ERN2: variants seen among roughly 807,000 people sequenced by gnomAD.
The protein encoded by ERN2 is serine/threonine-protein kinase/endoribonuclease IRE2.
A neutral mutation model predicts 107.9 loss-of-function variants in ERN2; 111 were observed. The observed-to-expected ratio is 1.03, with a 90% CI of 0.88 to 1.20. The LOEUF is 1.20. ERN2 is among the 50% of genes most tolerant of loss of function. The pLI, the probability that ERN2 is intolerant of heterozygous loss-of-function variation, is 0.00. For synonymous variants in ERN2, 524 were observed against 501.7 expected (o/e 1.04, Z -0.59); for missense variants, 1,225 against 1,197.9 (o/e 1.02, Z -0.33).
At chr16:23,706,459 G>A (rs766407293) in intron 6 of ERN2, 28 bp from the exon 7 acceptor site, 10 of 1,514,566 alleles carry the variant, frequency 6.6e-6, no homozygotes, top group South Asian at 4.8e-5. Flanking sequence ...AAGATTACCA[G>A]GAACGTCCAT....
chr16:23,699,709 C>T (rs1256428129), intron 13 of ERN2, among the ~76,000 whole-genome samples: 1 of 152,114 alleles, frequency 6.6e-6, no homozygotes, highest in Non-Finnish European at 1.5e-5. Flanking sequence ...AGGTGTAAGC[C>T]ACCATGCCCA....
Position 23,695,931 on chromosome 16 carries a change from C to T in ERN2, c.1573G>A (p.Val525Met), listed in dbSNP as rs148827246. Residue 525 changes from valine (V) to methionine (M), a missense_variant, in exon 14 of 22, where the codon GTG becomes ATG. Coordinates refer to ENST00000256797, the MANE Select transcript of ERN2 (RefSeq NM_033266.4). Reference protein sequence around the residue: ...VGKISFNPKDVLGRGAGGTFV... With the variant: ...VGKISFNPKDMLGRGAGGTFV... ...GTCCCGCCTGCCCCGCGGCCCAGCA[C>T]GTCCTTGGGATTGAAGGAAATCTTC... The T allele has an allele frequency of 9.2e-5, 148 of 1,613,978 alleles. No individual in the cohort carries two copies. Among genetic ancestry groups the T allele is most frequent in the South Asian group, 3.4e-4 (31 of 91,084 alleles).
intron 14 of ERN2, among the ~76,000 whole-genome samples, chr16:23,695,638 G>A (rs1468656462): frequency 2.0e-5 from 3 of 149,256 alleles, no homozygotes; most frequent in Non-Finnish European, 4.4e-5. Flanking sequence ...GCTGAGGCCC[G>A]GAATTGCTTG....
chr16:23,711,962 C>T lies in ERN2; in HGVS notation c.94-944G>A, dbSNP rs528009935. 114 of 396,040 alleles carry T rather than the reference C, an allele frequency of 2.9e-4. 1 individual carries two copies. Among genetic ancestry groups the T allele is most frequent in the South Asian group, 7.9e-4 (46 of 58,164 alleles). 24.5% of individuals were successfully genotyped at this position (396,040 alleles called of 1,614,324 possible). A position where few individuals can be genotyped will look rare whatever the true frequency, so the allele number is the denominator to read the frequency against. On this transcript the variant is annotated intron_variant, in intron 1 of 21. Coordinates refer to ENST00000256797, the MANE Select transcript of ERN2 (RefSeq NM_033266.4). ...CCTTGGGAGGGGGGCTGGAGCCACC[C>T]GTACTTACATCTGGCGATCCTGGGC...
chr16:23,700,770 C>T, intron 12 of ERN2, 66 bp from the exon 13 acceptor site: 1 of 1,539,742 alleles, frequency 6.5e-7, no homozygotes, highest in Non-Finnish European at 8.8e-7. Context: ...GGCCCAGTAT[C>T]TGTGACTGAG....
Position 23,711,015 on chromosome 16 carries a change from G to C in ERN2, c.97C>G (p.His33Asp). ...AGGAGGTTCTCTGGCCTGAGAGTATGAACCTGCAAGGGGGTAGAGACAAAG... is the reference window on the plus strand; with the variant it reads ...AGGAGGTTCTCTGGCCTGAGAGTATCAACCTGCAAGGGGGTAGAGACAAAG... Reference protein sequence around the residue: ...LLLGTLSPQVHTLRPENLLLV... With the variant: ...LLLGTLSPQVDTLRPENLLLV... The change falls in exon 2 of 22, where the codon CAT becomes GAT. Residue 33 changes from histidine (H) to aspartate (D), a missense_variant. Physicochemically the swap from His to Asp is moderately conservative, Grantham distance 81 (BLOSUM62 -1). Coordinates refer to ENST00000256797, the MANE Select transcript of ERN2 (RefSeq NM_033266.4). The C allele has an allele frequency of 6.2e-7, 1 of 1,611,062 alleles. No homozygotes were observed. The highest frequency in any genetic ancestry group is 1.1e-5 in the South Asian group (1 of 91,022).
chr16:23,712,430 A>C (rs1230821750), intron 1 of ERN2: 2 of 161,154 alleles, frequency 1.2e-5, no homozygotes, highest in Non-Finnish European at 2.7e-5. Flanking sequence ...GCTGGCAACC[A>C]TGAGGTGGAC....
Position 23,710,958 on chromosome 16 carries a change from C to A in ERN2, c.154G>T (p.Ala52Ser), listed in dbSNP as rs566268236. 2 of 1,613,966 alleles carry A rather than the reference C, an allele frequency of 1.2e-6. No homozygotes were observed. The highest frequency in any genetic ancestry group is 1.3e-5 in the African/African-American group (1 of 74,916). The stretch of plus-strand genomic sequence containing the variant: ...AGGTCCCCTGTCTGCTTGCTTAGTG[C>A]GTGGAGACTTCCATCCAAGGTGGAC... ...LVSTLDGSLH[A>S]LSKQTGDLKW... is the part of the protein sequence containing the mutation. The change falls in exon 2 of 22, where the codon GCA (alanine) becomes TCA (serine). Residue 52 changes from alanine (A) to serine (S), a missense_variant. Coordinates refer to ENST00000256797, the MANE Select transcript of ERN2 (RefSeq NM_033266.4).
chr16:23,705,322 A>G (rs1960260857), intron 7 of ERN2, among the ~76,000 whole-genome samples, 175 bp from the exon 8 acceptor site: 1 of 152,180 alleles, frequency 6.6e-6, no homozygotes, highest in South Asian at 2.1e-4. Context: ...GCCATCAGTC[A>G]GGGTCATTCA....
intron 7 of ERN2, 53 bp from the exon 8 acceptor site, chr16:23,705,200 C>A: frequency 6.3e-7 from 1 of 1,584,642 alleles, no homozygotes; most frequent in South Asian, 1.1e-5. Flanking sequence ...CTAAGAGGGT[C>A]CAAGGGTGTG....
intron 13 of ERN2, among the ~76,000 whole-genome samples, chr16:23,698,705 C>A (rs1051732863): frequency 6.6e-6 from 1 of 152,058 alleles, no homozygotes; most frequent in African/African-American, 2.4e-5. Flanking sequence ...TGTACCTCAG[C>A]CACCCCCCAG....
chr16:23,711,896 C>T, intron 1 of ERN2: 1 of 212,306 alleles, frequency 4.7e-6, no homozygotes, highest in South Asian at 4.2e-5. Context: ...GGTTTTGGTG[C>T]CAGGCTCCAG....
intron 14 of ERN2, among the ~76,000 whole-genome samples, 167 bp from the exon 15 acceptor site, chr16:23,695,556 A>C (rs1244482824): frequency 6.6e-6 from 1 of 151,606 alleles, no homozygotes; most frequent in Non-Finnish European, 1.5e-5. Flanking sequence ...TGAAACCCCC[A>C]TCTCTACTAA....
chr16:23,693,589 C>CAAAA (rs765586188), intron 17 of ERN2, among the ~76,000 whole-genome samples: 9 of 134,974 alleles, frequency 6.7e-5, no homozygotes, highest in African/African-American at 2.5e-4. Flanking sequence ...AACTCCATCT[C>CAAAA]AAAAAAAAAA....
chr16:23,711,479 C>T (rs1031239857), intron 1 of ERN2, among the ~76,000 whole-genome samples: 9 of 152,162 alleles, frequency 5.9e-5, no homozygotes, highest in African/African-American at 2.2e-4. Flanking sequence ...ACCTCAGCCT[C>T]CCAAGTAGTT....
At position 23,702,398 on chromosome 16, in the gene ERN2, A is replaced by G; in HGVS notation, c.1073T>C (p.Leu358Pro). The change falls in exon 10 of 22, where the codon CTG becomes CCG. Residue 358 changes from leucine (L) to proline (P), a missense_variant. Leu to Pro is a moderately conservative substitution (Grantham distance 98). Coordinates refer to ENST00000256797, the MANE Select transcript of ERN2 (RefSeq NM_033266.4). ...SGSVALPSQW[L>P]LIGHHELPPV... Reference sequence around the variant, plus strand: ...GAGCCAGAGGATCTCACCAATGAGCAGCCACTGGCTTGGGAGGGCCACACT... The same window carrying G: ...GAGCCAGAGGATCTCACCAATGAGCGGCCACTGGCTTGGGAGGGCCACACT... The G allele has an allele frequency of 6.2e-7, 1 of 1,613,404 alleles. No individual in the cohort carries two copies. The highest frequency in any genetic ancestry group is 1.1e-5 in the South Asian group (1 of 91,040).
At chr16:23,711,410 G>A (rs1248541374) in intron 1 of ERN2, among the ~76,000 whole-genome samples, 1 of 152,194 alleles carries the variant, frequency 6.6e-6, no homozygotes, top group African/African-American at 2.4e-5. Flanking sequence ...AGGCTGGAAT[G>A]AAGTGGCATA....
At position 23,695,164 on chromosome 16, in the gene ERN2, T is replaced by C. The variant is rs763676803; in HGVS notation, c.1800+36A>G. The C allele has an allele frequency of 3.0e-5, 48 of 1,613,406 alleles. No individual in the cohort carries two copies. The Middle Eastern group carries it at 4.9e-4, about 17-fold the overall frequency. ...AAGCATCACTCTCCAGCCCGGACCTTCCCACTCACCCTCCCTGAACCGCAA... is the reference window on the plus strand; with the variant it reads ...AAGCATCACTCTCCAGCCCGGACCTCCCCACTCACCCTCCCTGAACCGCAA... On this transcript the variant is annotated intron_variant, in intron 15 of 21. Coordinates refer to ENST00000256797, the MANE Select transcript of ERN2 (RefSeq NM_033266.4).
Position 23,704,834 on chromosome 16 carries a change from C to T in ERN2, c.854+49G>A, listed in dbSNP as rs373446294. 3.0e-5 allele frequency: 48 copies of T among 1,581,432 alleles called. No homozygotes were observed. In the African/African-American group the frequency reaches 3.9e-4, roughly 13 times the overall value. The stretch of plus-strand genomic sequence containing the variant: ...TCGCCTGGCCATCAGACCCAGGTTG[C>T]GACACTCCCAGATGGCTCCCTCCCT... On this transcript the variant is annotated intron_variant, in intron 8 of 21. Transcript: ENST00000256797.
Sources: allele counts gnomAD v4.1 joint callset (sites outside exome capture counted in the v4.1 genomes callset), GRCh38; gene constraint gnomAD v4.1.1; transcripts MANE v1.5; gene names NCBI Gene and HGNC (gene_info 2026-07-23, HGNC 2026-07-21).